The following CEP128 variants were observed in gnomAD, a reference collection of about 807,000 sequenced individuals.
The protein encoded by CEP128 is centrosomal protein 128, also known as centrosomal protein 128kDa.
Under a neutral mutation model 156.7 loss-of-function variants are expected in CEP128, and 132 were observed. The ratio of observed to expected loss-of-function variants is 0.84; its 90% CI spans 0.73 to 0.97. The LOEUF is 0.97. Ranked by LOEUF, CEP128 falls within the 50% of genes least tolerant of loss-of-function variation. CEP128 has a pLI of 0.00. For synonymous variants in CEP128, 469 were observed against 448.9 expected, an observed-to-expected ratio of 1.04 and a Z score of -0.57; for missense variants, 1,252 against 1,281.9, an observed-to-expected ratio of 0.98 and a Z score of 0.36.
chr14:80,955,689 G>C, intron 2 of CEP128: 2 of 1,614,038 alleles, frequency 1.2e-6, no homozygotes, highest in Non-Finnish European at 8.5e-7. Context: ...AAATGAGGCC[G>C]GCGGACTTGC....
At chr14:80,903,330 AAC>A (rs1292989073) in intron 6 of CEP128, among the ~76,000 whole-genome samples, 2 of 152,032 alleles carry the variant, frequency 1.3e-5, no homozygotes, top group African/African-American at 2.4e-5. Flanking sequence ...AGGCCCTTAT[AAC>A]ACACAAAAAA....
chr14:80,588,294 G>A (rs1028128365), intron 19 of CEP128, among the ~76,000 whole-genome samples: 1 of 152,026 alleles, frequency 6.6e-6, no homozygotes, highest in Admixed American at 6.6e-5. Context: ...AACACCAACT[G>A]TTTCCTCTGG....
At chr14:80,487,261 G>C (rs904342611), downstream of CEP128, among the ~76,000 whole-genome samples, 8 of 152,030 alleles carry the variant, frequency 5.3e-5, no homozygotes, top group Admixed American at 4.6e-4. Flanking sequence ...AACCAATAAA[G>C]ATCAAAAGAG....
In CEP128 at chr14:80,501,745, C is replaced by T. The variant is rs557915616; in HGVS notation, c.3181+3167G>A. Among the ~76,000 whole-genome samples, 229 of 151,974 alleles carry T rather than the reference C, an allele frequency of 1.5e-3. 1 individual carries two copies. Among genetic ancestry groups the T allele is most frequent in the Middle Eastern group, 3.4e-3 (1 of 294 alleles). On this transcript the variant is annotated intron_variant, in intron 24 of 24. Transcript: ENST00000555265. Reference sequence around the variant, plus strand: ...GGTCTCGATCTCCAGACCTCGCGATCCGCCCACCTCGGCCTCCCACCTCCT... The same window carrying T: ...GGTCTCGATCTCCAGACCTCGCGATTCGCCCACCTCGGCCTCCCACCTCCT...
intron 19 of CEP128, among the ~76,000 whole-genome samples, chr14:80,742,548 C>T (rs974391313): frequency 6.6e-6 from 1 of 152,132 alleles, no homozygotes; most frequent in African/African-American, 2.4e-5. Context: ...ATATGTGAAG[C>T]CAAATTCCCC....
intron 20 of CEP128, among the ~76,000 whole-genome samples, chr14:80,577,721 C>T (rs1891417619): frequency 1.3e-5 from 2 of 152,104 alleles, no homozygotes; most frequent in Admixed American, 6.6e-5. Flanking sequence ...TGCAGATTTA[C>T]CATATTGTTC....
rs140737800 is a variant in CEP128 at position 80,787,592 on chromosome 14, T to C, written c.1561-2047A>G. Among the ~76,000 whole-genome samples the C allele has an allele frequency of 6.4e-4, 97 of 152,240 alleles. 1 individual carries two copies. Among genetic ancestry groups the C allele is most frequent in the Middle Eastern group, 3.4e-3 (1 of 294 alleles). On this transcript the variant is annotated intron_variant, in intron 14 of 24. Coordinates refer to ENST00000555265, the MANE Select transcript of CEP128 (RefSeq NM_152446.5). ...AGTGTGACTTCTTTGGGGAGGGTCA[T>C]TCTACTTACCAAACTGGAGAACACA... is the stretch of plus-strand genomic sequence containing the variant.
At chr14:80,750,094 A>G (rs899598428) in intron 18 of CEP128, among the ~76,000 whole-genome samples, 1 of 152,236 alleles carries the variant, frequency 6.6e-6, no homozygotes, top group Non-Finnish European at 1.5e-5. Flanking sequence ...ACATAGTAGG[A>G]TTTAATCTGG....
chr14:80,504,684 GTTAT>G (rs967565731), intron 24 of CEP128, among the ~76,000 whole-genome samples: 2 of 152,116 alleles, frequency 1.3e-5, no homozygotes, highest in African/African-American at 4.8e-5. Flanking sequence ...ACCTTGGGTG[GTTAT>G]TTAAGTTATT....
At position 80,785,496 on chromosome 14, in the gene CEP128, T is replaced by G; in HGVS notation, c.1610A>C (p.Gln537Pro). 1.9e-6 allele frequency: 3 copies of G among 1,613,636 alleles called. No individual in the cohort carries two copies. Among genetic ancestry groups the G allele is most frequent in the Non-Finnish European group, 2.5e-6 (3 of 1,179,780 alleles). Residue 537 changes from glutamine to proline, a missense_variant, in exon 15 of 25, where the codon CAA becomes CCA. Transcript: ENST00000555265. Reference protein sequence around the residue: ...ELKTQLYAALQQIENLRKELN... With the variant: ...ELKTQLYAALPQIENLRKELN... The stretch of plus-strand genomic sequence containing the variant: ...TTCCTTTCGAAGATTCTCTATTTGT[T>G]GTAATGCTGCATACAGCTGGGTTTT...
intron 13 of CEP128, among the ~76,000 whole-genome samples, chr14:80,813,171 C>T (rs1436970110): frequency 6.6e-6 from 1 of 152,122 alleles, no homozygotes; most frequent in Non-Finnish European, 1.5e-5. Context: ...TGTAGGTTGT[C>T]TGTTTACTCC....
chr14:80,923,871 G>A (rs547366764), intron 2 of CEP128, among the ~76,000 whole-genome samples: 1 of 152,250 alleles, frequency 6.6e-6, no homozygotes, highest in Admixed American at 6.5e-5. Flanking sequence ...ACAGGATCAT[G>A]GAGGCAGTTT....
chr14:80,729,127 G>GT (rs1555395842), intron 19 of CEP128, among the ~76,000 whole-genome samples: 38 of 115,116 alleles, frequency 3.3e-4, no homozygotes, highest in African/African-American at 1.1e-3. Context: ...GTGTGTGTGT[G>GT]TTTACCCAGT....
intron 21 of CEP128, among the ~76,000 whole-genome samples, chr14:80,552,446 T>TAATTTACC (rs1890249706): frequency 6.6e-6 from 1 of 152,252 alleles, no homozygotes; most frequent in South Asian, 2.1e-4. Flanking sequence ...GAACATGCTG[T>TAATTTACC]AATTTACCAG....
chr14:80,552,355 A>G (rs1890246183), intron 21 of CEP128, among the ~76,000 whole-genome samples: 1 of 151,914 alleles, frequency 6.6e-6, no homozygotes, highest in African/African-American at 2.4e-5. Context: ...AAAAATATAA[A>G]CCAATTCTCT....
At chr14:80,513,770 G>C (rs7156719) in intron 23 of CEP128, among the ~76,000 whole-genome samples, 122,885 of 152,086 alleles carry the variant, frequency 0.81, 51,088 homozygotes, top group Middle Eastern at 0.9. Context: ...TGGCATAACA[G>C]TACAACACAA....
chr14:80,780,521 C>T (rs536877176), intron 15 of CEP128, among the ~76,000 whole-genome samples: 7 of 151,954 alleles, frequency 4.6e-5, no homozygotes, highest in Non-Finnish European at 7.4e-5. Flanking sequence ...CCTCCCAGAT[C>T]TCAAGCTTTC....
chr14:80,596,585 G>A (rs760271696), intron 19 of CEP128, among the ~76,000 whole-genome samples: 3 of 151,966 alleles, frequency 2.0e-5, no homozygotes, highest in Non-Finnish European at 4.4e-5. Context: ...GAGGCAAGAG[G>A]ATCACTTGAG....
At chr14:80,482,834 G>T (rs2140148372) in intron 14 of CEP128, among the ~76,000 whole-genome samples, 1 of 152,328 alleles carries the variant, frequency 6.6e-6, no homozygotes, top group East Asian at 1.9e-4. Flanking sequence ...AATTCTAAGT[G>T]ATTTTTATAG....
Sources: gnomAD v4.1 joint callset for allele counts (sites outside exome capture counted in the v4.1 genomes callset) on GRCh38, gnomAD v4.1.1 for gene constraint, MANE v1.5 for transcripts, NCBI Gene and HGNC (gene_info 2026-07-23, HGNC 2026-07-21) for gene names.